The following QTRT1 variants were observed in gnomAD, a reference collection of about 807,000 sequenced individuals.
QTRT1 encodes the protein TGT, 43-KD subunit.
A neutral mutation model predicts 44.0 loss-of-function variants in QTRT1; 41 were observed. The ratio of observed to expected loss-of-function variants is 0.93; its 90% CI spans 0.73 to 1.21. The LOEUF is 1.21. QTRT1 is among the 50% of genes most tolerant of loss of function. The pLI is 0.00. For synonymous variants in QTRT1, 226 were observed against 237.1 expected (o/e 0.95, Z 0.43); for missense variants, 542 against 575.8 (o/e 0.94, Z 0.60).
Position 10,711,241 on chromosome 19 carries a change from G to A in QTRT1, c.647-920G>A, listed in dbSNP as rs558386177. 2.1e-4 allele frequency: 32 copies of A among 152,390 alleles called. No homozygotes were observed. The East Asian group carries it at 5.6e-3, about 27-fold the overall frequency. 9.4% of individuals were successfully genotyped at this position (152,390 alleles called of 1,614,324 possible). Reference sequence around the variant, plus strand: ...GGCTGGAGTGCAGTCATCTGATCTCGGCTCACTGCAACCTCCACCTCCCGG... The same window carrying A: ...GGCTGGAGTGCAGTCATCTGATCTCAGCTCACTGCAACCTCCACCTCCCGG... On this transcript the variant is annotated intron_variant, in intron 5 of 9. Transcript: ENST00000250237.
chr19:10,702,099 G>A lies in QTRT1; in HGVS notation c.313-17G>A, dbSNP rs1378296319. ...CATCTCCACCCCCTGACAGCTTTGC[G>A]GTGGGGTTTCCCTTAGGACAGCGGC... On this transcript the variant is annotated splice_polypyrimidine_tract_variant and intron_variant, in intron 2 of 9. Transcript: ENST00000250237. 6.2e-7 allele frequency: 1 copy of A among 1,614,116 alleles called. No homozygotes were observed. The highest frequency in any genetic ancestry group is 1.7e-5 in the Admixed American group (1 of 59,996).
chr19:10,706,358 T>C (rs1220531316), intron 3 of QTRT1, among the ~76,000 whole-genome samples: 2 of 152,076 alleles, frequency 1.3e-5, no homozygotes, highest in African/African-American at 4.8e-5. Context: ...CCGTGGCTCA[T>C]GCCTATAATC....
Position 10,713,017 on chromosome 19 carries a change from ACGGT to A in QTRT1, c.1038_1041del (p.Val347ThrfsTer10). On this transcript the variant is annotated frameshift_variant, in exon 9 of 10. Transcript: ENST00000250237. LOFTEE classifies it high-confidence loss of function. This position sits in a 1 kb window ranked among gnomAD's most constrained non-coding sequence, Gnocchi z 4.3. ...CAACACGGCCGCGCTGCACCACCTC[ACGGT>A]CCACAACATCGCCTACCAGGTGAGC... 6.2e-7 allele frequency: 1 copy of A among 1,611,278 alleles called. No homozygotes were observed. Among genetic ancestry groups the A allele is most frequent in the Non-Finnish European group, 8.5e-7 (1 of 1,179,822 alleles).
At position 10,712,577 on chromosome 19, in the gene QTRT1, C is replaced by T. The variant is rs2068743709; in HGVS notation, c.810C>T (p.Cys270=). The change falls in exon 7 of 10, where the codon TGC becomes TGT. Residue 270 remains cysteine, a synonymous_variant. Coordinates refer to ENST00000250237, the MANE Select transcript of QTRT1 (RefSeq NM_031209.3). The surrounding 1 kb of genome is among the most constrained non-coding windows in gnomAD (Gnocchi z 5.6). The part of the protein sequence containing the change: ...GVGYATDLVV[C]VALGCDMFDC... ...GCTATGCCACTGATCTGGTAGTCTG[C>T]GTGGCTCTTGGATGTGACATGTTCG... 3.1e-6 allele frequency: 5 copies of T among 1,613,436 alleles called. No individual in the cohort carries two copies. Among genetic ancestry groups the T allele is most frequent in the East Asian group, 2.2e-5 (1 of 44,870 alleles).
At chr19:10,708,457 T>C (rs2068724536) in intron 5 of QTRT1, among the ~76,000 whole-genome samples, 1 of 152,128 alleles carries the variant, frequency 6.6e-6, no homozygotes, top group Non-Finnish European at 1.5e-5. Flanking sequence ...TTTCTGGTGT[T>C]TTCTTTTCTC....
chr19:10,711,739 G>A, intron 5 of QTRT1: 1 of 242,324 alleles, frequency 4.1e-6, no homozygotes, highest in South Asian at 5.0e-5. Flanking sequence ...TGGGATGACA[G>A]GCGTGAGCCA....
intron 5 of QTRT1, among the ~76,000 whole-genome samples, chr19:10,708,544 G>T (rs894297062): frequency 6.6e-6 from 1 of 152,058 alleles, no homozygotes; most frequent in Non-Finnish European, 1.5e-5. Context: ...GACAAGCACC[G>T]CCCCATGGGG....
Position 10,706,070 on chromosome 19 carries a change from G to A in QTRT1, c.452-1232G>A, listed in dbSNP as rs145406142. On this transcript the variant is annotated intron_variant, in intron 3 of 9. Coordinates refer to ENST00000250237, the MANE Select transcript of QTRT1 (RefSeq NM_031209.3). ...AGGGTTTCACTGTGTTCGCCAGGAT[G>A]GTGTCAATCTCCTGACCTGGTGATC... 4.1e-3 allele frequency among the ~76,000 whole-genome samples: 601 copies of A among 147,840 alleles called. 4 individuals are homozygous for A. The highest frequency in any genetic ancestry group is 0.014 in the African/African-American group (549 of 40,060).
At chr19:10,708,809 A>G (rs1355946405) in intron 5 of QTRT1, 4 of 129,482 alleles carry the variant, frequency 3.1e-5, no homozygotes, top group African/African-American at 1.2e-4. Flanking sequence ...CTTGTTGCCC[A>G]GGCTGGAGTG....
chr19:10,707,716 C>G (rs1249316310), intron 5 of QTRT1, 101 bp downstream of exon 5: 2 of 803,296 alleles, frequency 2.5e-6, no homozygotes, highest in Non-Finnish European at 3.8e-6. Flanking sequence ...TAGAAGGGCA[C>G]TGCGCTAGAA....
intron 3 of QTRT1, chr19:10,706,627 C>A (rs2068714706): frequency 6.6e-6 from 1 of 151,838 alleles, no homozygotes; most frequent in Non-Finnish European, 1.5e-5. Flanking sequence ...CCTGGGTTGG[C>A]CTTCCAAAGT....
In QTRT1 at chr19:10,712,525, C is replaced by T. The variant is rs1207625455; in HGVS notation, c.786-28C>T. 3 of 1,600,560 alleles carry T rather than the reference C, an allele frequency of 1.9e-6. No individual in the cohort carries two copies. The highest frequency in any genetic ancestry group is 2.6e-6 in the Non-Finnish European group (3 of 1,168,090). ...CCTGGGAAGCCCCTGAGGTTCTCTG[C>T]CCCCTCCCGTCATGGCTGCAACCCC... On this transcript the variant is annotated intron_variant, in intron 6 of 9. Transcript: ENST00000250237. The surrounding 1 kb of genome is among the most constrained non-coding windows in gnomAD (Gnocchi z 5.6).
chr19:10,704,736 C>T (rs1047938741), intron 3 of QTRT1, among the ~76,000 whole-genome samples: 19 of 150,846 alleles, frequency 1.3e-4, no homozygotes, highest in African/African-American at 3.9e-4. Flanking sequence ...GACAGGCATG[C>T]GCCACCATGC....
At position 10,712,114 on chromosome 19, in the gene QTRT1, A is replaced by G. The variant is rs2068741210; in HGVS notation, c.647-47A>G. 1 of 1,608,722 alleles carries G rather than the reference A, an allele frequency of 6.2e-7. No individual in the cohort carries two copies. On this transcript the variant is annotated intron_variant, in intron 5 of 9. Coordinates refer to ENST00000250237, the MANE Select transcript of QTRT1 (RefSeq NM_031209.3). This position sits in a 1 kb window ranked among gnomAD's most constrained non-coding sequence, Gnocchi z 5.6. ...AGGGTGTGTTCTGGGATTGAAGACC[A>G]GGCGCATTTCCTCTTCTGTGGCCCT...
chr19:10,704,916 ATT>A (rs57490073), intron 3 of QTRT1, among the ~76,000 whole-genome samples: 64 of 133,394 alleles, frequency 4.8e-4, no homozygotes, highest in Middle Eastern at 5.1e-3. Flanking sequence ...GAATGTCGTA[ATT>A]TTTTTTTTTT....
Position 10,705,204 on chromosome 19 carries a change from C to T in QTRT1, c.452-2098C>T, listed in dbSNP as rs531956876. On this transcript the variant is annotated intron_variant, in intron 3 of 9. Coordinates refer to ENST00000250237, the MANE Select transcript of QTRT1 (RefSeq NM_031209.3). Reference sequence around the variant, plus strand: ...GGCTGGGATTACAGGCGTGAGCCACCGCACCCAGCCCCATATTTATTTTTT... The same window carrying T: ...GGCTGGGATTACAGGCGTGAGCCACTGCACCCAGCCCCATATTTATTTTTT... Among the ~76,000 whole-genome samples the T allele has an allele frequency of 6.0e-5, 9 of 150,778 alleles. No individual in the cohort carries two copies. The South Asian group carries it at 1.3e-3, about 21-fold the overall frequency.
intron 1 of QTRT1, 110 bp from the exon 2 acceptor site, chr19:10,701,840 T>C: frequency 8.9e-6 from 14 of 1,576,458 alleles, no homozygotes; most frequent in Non-Finnish European, 1.2e-5. Flanking sequence ...CCAGGCCTTG[T>C]ACTGGGCGTG....
chr19:10,704,440 C>G (rs1219954594), intron 3 of QTRT1, among the ~76,000 whole-genome samples: 1 of 142,812 alleles, frequency 7.0e-6, no homozygotes, highest in Non-Finnish European at 1.5e-5. Flanking sequence ...ACTACAGGCA[C>G]CCGCCATTAC....
At chr19:10,702,328 A>G in intron 3 of QTRT1, 74 bp downstream of exon 3, 1 of 1,544,064 alleles carries the variant, frequency 6.5e-7, no homozygotes, top group Non-Finnish European at 8.8e-7. Context: ...CCTGTTTTTT[A>G]GCTGTTGTGT....
Sources: gnomAD v4.1 joint callset for allele counts (sites outside exome capture counted in the v4.1 genomes callset) on GRCh38, gnomAD v4.1.1 for gene constraint, Gnocchi (gnomAD v3.1) non-coding constraint, MANE v1.5 for transcripts, NCBI Gene and HGNC (gene_info 2026-07-23, HGNC 2026-07-21) for gene names.